The following BBS9 variants were observed in gnomAD, a reference collection of about 807,000 sequenced individuals.
BBS9 encodes protein PTHB1.
In BBS9, 89 loss-of-function variants were observed where a neutral mutation model predicts 117.7. That is an observed-to-expected ratio of 0.76 (90% CI 0.64 to 0.90). The LOEUF (loss-of-function observed/expected upper bound fraction) is 0.90. BBS9 is among the 40% of genes least tolerant of loss of function. The probability of loss-of-function intolerance (pLI) is 0.00; values close to 1 mark genes in which losing one functional copy is unlikely to be tolerated. For synonymous variants in BBS9, 379 were observed against 370.9 expected, an observed-to-expected ratio of 1.02 and a Z score of -0.25; for missense variants, 982 against 1,042.2, an observed-to-expected ratio of 0.94 and a Z score of 0.80.
chr7:33,593,640 C>T (rs1365729566), intron 21 of BBS9, among the ~76,000 whole-genome samples: 21 of 152,238 alleles, frequency 1.4e-4, no homozygotes, highest in Non-Finnish European at 1.5e-5. Flanking sequence ...CTGCTTTTCT[C>T]TGAGTTTTGT....
chr7:33,364,604 C>T (rs1821287408), intron 16 of BBS9, among the ~76,000 whole-genome samples: 1 of 150,514 alleles, frequency 6.6e-6, no homozygotes, highest in African/African-American at 2.4e-5. Context: ...TGATGTTCTT[C>T]CTTATATTTT....
rs532113449 is a variant in BBS9, at chr7:33,161,602, G to A, written c.328+5900G>A. 4.6e-5 allele frequency among the ~76,000 whole-genome samples: 7 copies of A among 152,330 alleles called. No individual in the cohort carries two copies. In the East Asian group the frequency reaches 1.3e-3, roughly 29 times the overall value. The stretch of plus-strand genomic sequence containing the variant: ...ACATACGTATACATGTGTCTTTATA[G>A]TAGCATGATTTATAATCCTTTGGGT... On this transcript the variant is annotated intron_variant, in intron 4 of 22. Transcript: ENST00000242067.
At chr7:33,280,905 G>T (rs201588846) in intron 9 of BBS9, among the ~76,000 whole-genome samples, 37 of 48,712 alleles carry the variant, frequency 7.6e-4, no homozygotes, top group African/African-American at 1.1e-3. Context: ...TTAATTTGTC[G>T]TTTTTGTTTT....
In BBS9 at chr7:33,399,520, G is replaced by T. The variant is rs116600739; in HGVS notation, c.2115+11376G>T. ...CTTCACCTTCTTCACTTTAATCTGTGGACCCTGTAGATAGAACTTGTCTGT... is the reference window on the plus strand; with the variant it reads ...CTTCACCTTCTTCACTTTAATCTGTTGACCCTGTAGATAGAACTTGTCTGT... On this transcript the variant is annotated intron_variant, in intron 19 of 22. Transcript: ENST00000242067. 4.9e-3 allele frequency among the ~76,000 whole-genome samples: 740 copies of T among 152,234 alleles called. 4 individuals carry two copies. Among genetic ancestry groups the T allele is most frequent in the African/African-American group, 0.017 (714 of 41,546 alleles).
rs373609580 is a variant in BBS9, at chr7:33,622,868, T to C, written c.2522-12309T>C. Among the ~76,000 whole-genome samples the C allele has an allele frequency of 6.6e-5, 10 of 152,314 alleles. No homozygotes were observed. In the South Asian group the frequency reaches 1.2e-3, roughly 19 times the overall value. The stretch of plus-strand genomic sequence containing the variant: ...TTGCTGAAGCAATTGGATAACCATA[T>C]TGAGAAAAATGAAATTAGACTCATA... On this transcript the variant is annotated intron_variant, in intron 21 of 21. Coordinates refer to the BBS9 transcript ENST00000671952.
At chr7:33,269,812 C>G (rs1466774782) in intron 7 of BBS9, among the ~76,000 whole-genome samples, 1 of 151,526 alleles carries the variant, frequency 6.6e-6, no homozygotes, top group Non-Finnish European at 1.5e-5. Context: ...ATCACGAGGT[C>G]AGGAAATCGA....
intron 21 of BBS9, among the ~76,000 whole-genome samples, chr7:33,550,996 G>A (rs1431427854): frequency 2.0e-5 from 3 of 152,096 alleles, no homozygotes; most frequent in Non-Finnish European, 2.9e-5. Context: ...CCATACTCCA[G>A]TGTCATGTGG....
intron 5 of BBS9, among the ~76,000 whole-genome samples, chr7:33,240,178 C>T (rs1259065772): frequency 6.6e-6 from 1 of 151,392 alleles, no homozygotes; most frequent in African/African-American, 2.4e-5. Context: ...TGTAGTTTAT[C>T]TATAATGAAT....
chr7:33,337,200 C>T (rs945753513), intron 10 of BBS9, among the ~76,000 whole-genome samples: 1 of 151,990 alleles, frequency 6.6e-6, no homozygotes, highest in African/African-American at 2.4e-5. Flanking sequence ...TATTATCTTA[C>T]TTTGGGACTC....
intron 19 of BBS9, among the ~76,000 whole-genome samples, chr7:33,450,877 G>GTTTTTTTTT (rs1231078990): frequency 1.6e-5 from 2 of 126,790 alleles, no homozygotes; most frequent in Non-Finnish European, 3.3e-5. Context: ...TTTTTTTTTT[G>GTTTTTTTTT]TTTTTTTGTT....
intron 5 of BBS9, among the ~76,000 whole-genome samples, chr7:33,236,928 C>T (rs1326502335): frequency 3.3e-5 from 5 of 152,026 alleles, no homozygotes; most frequent in South Asian, 2.1e-4. Context: ...TTTTTAATGA[C>T]GTACAATTTG....
chr7:33,351,270 A>T lies in BBS9; in HGVS notation c.1484A>T (p.Tyr495Phe). The change falls in exon 14 of 23, where the codon TAT becomes TTT. Residue 495 changes from tyrosine to phenylalanine, a missense_variant. Coordinates refer to ENST00000242067, the MANE Select transcript of BBS9 (RefSeq NM_198428.3). ...VSFSVYLKRSYTPSELEGNAV... is the reference protein window; with the variant it reads ...VSFSVYLKRSFTPSELEGNAV... ...TTTTCTGTTTATCTGAAAAGAAGTT[A>T]TACACCATCAGAATTGGAAGGAAAT... The T allele has an allele frequency of 1.9e-6, 3 of 1,613,458 alleles. No homozygotes were observed. In the East Asian group the frequency reaches 6.7e-5, roughly 36 times the overall value.
At position 33,152,754 on chromosome 7, in the gene BBS9, C is replaced by T. The variant is rs1008748533; in HGVS notation, c.166C>T (p.Pro56Ser). The T allele has an allele frequency of 1.2e-6, 2 of 1,613,402 alleles. No homozygotes were observed. The highest frequency in any genetic ancestry group is 2.7e-5 in the African/African-American group (2 of 74,760). ...MGYLRIFSPH[P>S]AKTGDGAQAE... ...ATACCTAAGGATCTTTAGCCCCCAT[C>T]CTGCAAAAACAGGAGATGGAGCTCA... The change falls in exon 3 of 23, where the codon CCT becomes TCT. Residue 56 changes from proline (P) to serine (S), a missense_variant. By Grantham distance (74) the Pro-to-Ser change is moderately conservative. Transcript: ENST00000242067.
At chr7:33,360,154 G>A (rs532950967) in intron 16 of BBS9, among the ~76,000 whole-genome samples, 15 of 151,980 alleles carry the variant, frequency 9.9e-5, no homozygotes, top group African/African-American at 2.7e-4. Context: ...AGATATTTAC[G>A]TTGTTTTTAG....
intron 5 of BBS9, among the ~76,000 whole-genome samples, chr7:33,207,600 G>T (rs1283156676): frequency 2.0e-5 from 3 of 149,536 alleles, no homozygotes; most frequent in Non-Finnish European, 3.0e-5. Flanking sequence ...AGGCTAATCT[G>T]ATACCTATCC....
chr7:33,229,857 T>A (rs1309147745), intron 5 of BBS9, among the ~76,000 whole-genome samples: 1 of 152,186 alleles, frequency 6.6e-6, no homozygotes, highest in Non-Finnish European at 1.5e-5. Context: ...AATGGCTATA[T>A]CAATTTACAT....
intron 9 of BBS9, among the ~76,000 whole-genome samples, chr7:33,291,933 G>A (rs1804132801): frequency 1.3e-5 from 2 of 152,144 alleles, no homozygotes; most frequent in Non-Finnish European, 1.5e-5. Flanking sequence ...AGTCTTTGGG[G>A]AGAACTACCT....
At chr7:33,603,811 C>T (rs900926933) in intron 21 of BBS9, among the ~76,000 whole-genome samples, 1 of 152,138 alleles carries the variant, frequency 6.6e-6, no homozygotes, top group South Asian at 2.1e-4. Context: ...AAATGTGTTT[C>T]TCTCATTTCC....
chr7:33,452,927 A>T lies in BBS9; in HGVS notation c.2116-52536A>T, dbSNP rs556366024. On this transcript the variant is annotated intron_variant, in intron 19 of 22. Transcript: ENST00000242067. ...AATTTATAATCAAATATAGCAATTG[A>T]TGTTCATAATGGTGACTTCTGAGTC... is the stretch of plus-strand genomic sequence containing the variant. Among the ~76,000 whole-genome samples the T allele has an allele frequency of 2.0e-5, 3 of 152,354 alleles. No individual in the cohort carries two copies. In the South Asian group the frequency reaches 6.2e-4, roughly 32 times the overall value.
Sources: gnomAD v4.1 joint callset for allele counts (sites outside exome capture counted in the v4.1 genomes callset) on GRCh38, gnomAD v4.1.1 for gene constraint, MANE v1.5 for transcripts, NCBI Gene and HGNC (gene_info 2026-07-23, HGNC 2026-07-21) for gene names.